The following DGKB variants were observed in gnomAD, a reference collection of about 807,000 sequenced individuals.
DGKB encodes the protein diacylglycerol kinase beta, also known as 90 kDa diacylglycerol kinase.
In DGKB, 67 loss-of-function variants were observed where a neutral mutation model predicts 114.3. That is an observed-to-expected ratio of 0.59 (90% confidence interval 0.48 to 0.72). DGKB has a LOEUF of 0.72. Among genes scored for constraint, DGKB ranks in the 30% least tolerant of loss-of-function variants. The pLI, the probability that DGKB is intolerant of heterozygous loss-of-function variation, is 0.00. For missense variants in DGKB, 907 were observed against 975.2 expected (o/e 0.93, Z 0.93); for synonymous variants, 398 against 323.1 (o/e 1.23, Z -2.49).
chr7:14,581,085 T>C (rs1250746934), intron 18 of DGKB, 134 bp from the exon 19 acceptor site: 6 of 507,700 alleles, frequency 1.2e-5, no homozygotes, highest in Non-Finnish European at 2.1e-5. Flanking sequence ...ATTGTAGTTT[T>C]AGATATACAC....
At chr7:14,946,014 A>G (rs1191906988) in intron 1 of DGKB, among the ~76,000 whole-genome samples, 4 of 151,628 alleles carry the variant, frequency 2.6e-5, no homozygotes, top group African/African-American at 4.8e-5. Flanking sequence ...TTCCTTTCAG[A>G]TGTCTCAAAA....
intron 21 of DGKB, 48 bp from the exon 22 acceptor site, chr7:14,345,439 G>A (rs1399690015): frequency 2.0e-6 from 2 of 993,936 alleles, no homozygotes; most frequent in South Asian, 1.4e-5. Context: ...CAATAACAGA[G>A]GGATCTTTTA....
chr7:14,262,402 T>C (rs1318407218), intron 23 of DGKB, among the ~76,000 whole-genome samples: 1 of 152,146 alleles, frequency 6.6e-6, no homozygotes, highest in African/African-American at 2.4e-5. Flanking sequence ...GGACCTTGCT[T>C]GCCCCTTCTA....
In DGKB at chr7:14,770,533, A is replaced by G. The variant is rs183693995; in HGVS notation, c.71-12802T>C. ...TGCCTAAATGAAGAATAGATAGTCA[A>G]AGCTCATGAGAGAAGTTTTCTGTAA... is the stretch of plus-strand genomic sequence containing the variant. On this transcript the variant is annotated intron_variant, in intron 2 of 25. Coordinates refer to ENST00000402815, the MANE Select transcript of DGKB (RefSeq NM_001350709.2). Among the ~76,000 whole-genome samples the G allele has an allele frequency of 5.0e-3, 754 of 152,272 alleles. 4 individuals are homozygous for G. The highest frequency in any genetic ancestry group is 0.014 in the African/African-American group (566 of 41,558).
intron 13 of DGKB, among the ~76,000 whole-genome samples, chr7:14,660,978 T>G (rs1216219329): frequency 2.0e-5 from 3 of 148,858 alleles, no homozygotes; most frequent in East Asian, 4.0e-4. Flanking sequence ...TAATAAATGG[T>G]GCTGGGAAAA....
chr7:14,624,414 T>C (rs910310842), intron 14 of DGKB, among the ~76,000 whole-genome samples: 4 of 152,218 alleles, frequency 2.6e-5, no homozygotes, highest in Non-Finnish European at 5.9e-5. Context: ...TTAAATAAAA[T>C]TCAATTTGAT....
chr7:14,393,747 G>C (rs898075411), intron 21 of DGKB, among the ~76,000 whole-genome samples: 1 of 152,084 alleles, frequency 6.6e-6, no homozygotes, highest in African/African-American at 2.4e-5. Flanking sequence ...GAACCCTCAA[G>C]GATAATGTTT....
intron 23 of DGKB, among the ~76,000 whole-genome samples, chr7:14,272,412 A>G (rs1055737115): frequency 6.6e-6 from 1 of 152,220 alleles, no homozygotes; most frequent in African/African-American, 2.4e-5. Flanking sequence ...CTCATATGAT[A>G]AAAAAGAAAT....
chr7:14,768,113 C>T (rs1836744195), intron 2 of DGKB, among the ~76,000 whole-genome samples: 1 of 151,868 alleles, frequency 6.6e-6, no homozygotes, highest in Non-Finnish European at 1.5e-5. Flanking sequence ...ATTATTTGCT[C>T]ACATACATAT....
intron 23 of DGKB, among the ~76,000 whole-genome samples, chr7:14,252,357 T>C (rs1434191269): frequency 6.6e-6 from 1 of 152,220 alleles, no homozygotes; most frequent in Admixed American, 6.5e-5. Context: ...ACTTTGATAC[T>C]TTGATACTAT....
intron 20 of DGKB, among the ~76,000 whole-genome samples, chr7:14,510,002 C>T (rs568281069): frequency 1.2e-4 from 19 of 152,196 alleles, no homozygotes; most frequent in African/African-American, 3.1e-4. Flanking sequence ...GGTGAAACCC[C>T]GTCTCTACTA....
intron 23 of DGKB, among the ~76,000 whole-genome samples, chr7:14,313,492 T>G (rs1400013177): frequency 1.3e-5 from 2 of 151,658 alleles, no homozygotes; most frequent in Non-Finnish European, 2.9e-5. Flanking sequence ...TTCCCTTTCC[T>G]AATCAAAGAA....
At chr7:14,972,415 G>C (rs1787522465) in intron 1 of DGKB, among the ~76,000 whole-genome samples, 1 of 151,902 alleles carries the variant, frequency 6.6e-6, no homozygotes. Context: ...TTCATTTCCA[G>C]ATCAGTTAAC....
At chr7:14,741,475 T>A (rs1832575533) in intron 4 of DGKB, among the ~76,000 whole-genome samples, 1 of 152,196 alleles carries the variant, frequency 6.6e-6, no homozygotes, top group Admixed American at 6.5e-5. Context: ...AGCCCACTAT[T>A]CAAGTCAGCC....
At chr7:14,534,206 T>C (rs1792056250) in intron 20 of DGKB, among the ~76,000 whole-genome samples, 1 of 151,860 alleles carries the variant, frequency 6.6e-6, no homozygotes, top group African/African-American at 2.4e-5. Flanking sequence ...TCATATACAG[T>C]TAAAGAAAAG....
intron 17 of DGKB, among the ~76,000 whole-genome samples, chr7:14,594,380 T>G (rs1157806620): frequency 6.6e-6 from 1 of 152,132 alleles, no homozygotes; most frequent in Non-Finnish European, 1.5e-5. Flanking sequence ...GGTTAAAATA[T>G]TTCTTGTAAG....
At chr7:14,932,203 A>ACT (rs931962072) in intron 1 of DGKB, among the ~76,000 whole-genome samples, 2 of 151,250 alleles carry the variant, frequency 1.3e-5, no homozygotes, top group African/African-American at 4.9e-5. Context: ...AAAGGCACTC[A>ACT]CTCTCTCTCT....
At chr7:14,597,137 G>A (rs1802716724) in intron 17 of DGKB, among the ~76,000 whole-genome samples, 1 of 152,068 alleles carries the variant, frequency 6.6e-6, no homozygotes, top group Non-Finnish European at 1.5e-5. Flanking sequence ...GAACCCAGGA[G>A]GCGGAGCTTG....
At chr7:14,205,368 T>A (rs1227161292) in intron 23 of DGKB, among the ~76,000 whole-genome samples, 6 of 151,956 alleles carry the variant, frequency 3.9e-5, no homozygotes, top group African/African-American at 1.4e-4. Flanking sequence ...GCTTGGACCA[T>A]CAGAATCTTT....
Sources: allele counts gnomAD v4.1 joint callset (sites outside exome capture counted in the v4.1 genomes callset), GRCh38; gene constraint gnomAD v4.1.1; transcripts MANE v1.5; gene names NCBI Gene and HGNC (gene_info 2026-07-23, HGNC 2026-07-21).